Variants in MDN1 observed in about 807,000 individuals in gnomAD.
MDN1 encodes midasin AAA ATPase 1.
MDN1 carries 266 observed loss-of-function variants against 669.2 expected under a neutral mutation model. The observed-to-expected ratio is 0.40, with a 90% confidence interval of 0.36 to 0.44. MDN1 has a LOEUF of 0.44. Ranked by LOEUF, MDN1 falls within the 20% of genes least tolerant of loss-of-function variation. MDN1 has a pLI of 1.00. For missense variants in MDN1, 5,940 were observed against 6,754.0 expected, an observed-to-expected ratio of 0.88 and a Z score of 4.22; for synonymous variants, 2,385 against 2,457.1, an observed-to-expected ratio of 0.97 and a Z score of 0.87.
rs775492556 is a variant in MDN1, at chr6:89,749,643, C to T, written c.3515G>A (p.Arg1172His). The T allele has an allele frequency of 2.9e-5, 47 of 1,614,032 alleles. No homozygotes were observed. Among genetic ancestry groups the T allele is most frequent in the East Asian group, 8.9e-5 (4 of 44,890 alleles). Residue 1172 changes from arginine (R) to histidine (H), a missense_variant, in exon 25 of 102, where the codon CGT (arginine) becomes CAT (histidine). Around this residue, in one of 5 missense-constraint regions of MDN1, gnomAD observed 2,292 missense variants for 2,638.3 expected, o/e 0.87. Transcript: ENST00000369393. ...CTGTGTTTCTGTTACTAGCAATTCACGGTTATCATCCAACAGCCTATTCAG... is the reference window on the plus strand; with the variant it reads ...CTGTGTTTCTGTTACTAGCAATTCATGGTTATCATCCAACAGCCTATTCAG... ...EALNRLLDDN[R>H]ELLVTETQEV...
intron 11 of MDN1, among the ~76,000 whole-genome samples, chr6:89,777,361 C>T (rs1184267247): frequency 6.6e-6 from 1 of 152,210 alleles, no homozygotes; most frequent in East Asian, 1.9e-4. Flanking sequence ...ATGGCTGACT[C>T]CATCTTACTT....
In MDN1 at chr6:89,648,036, G is replaced by A. The variant is rs768337087; in HGVS notation, c.16391C>T (p.Ala5464Val). 1.2e-6 allele frequency: 2 copies of A among 1,608,258 alleles called. No individual in the cohort carries two copies. The highest frequency in any genetic ancestry group is 2.2e-5 in the South Asian group (2 of 90,966). The change falls in exon 99 of 102, where the codon GCT becomes GTT. Residue 5464 changes from alanine (A) to valine (V), a missense_variant. Physicochemically the swap from Ala to Val is moderately conservative, Grantham distance 64. Coordinates refer to ENST00000369393, the MANE Select transcript of MDN1 (RefSeq NM_014611.3). ...CATTTTATTTCATCCTCTTACCTGA[G>A]CAATCTTGGTTTTCTTTTGTTGGAA... Reference protein sequence around the residue: ...CKFQQKKTKIAQFLESVANMF... With the variant: ...CKFQQKKTKIVQFLESVANMF...
chr6:89,767,579 G>A (rs187144895), intron 15 of MDN1, among the ~76,000 whole-genome samples: 2 of 152,152 alleles, frequency 1.3e-5, no homozygotes, highest in African/African-American at 4.8e-5. Context: ...CCAGCATGGT[G>A]AAACCCTATC....
rs1363098877 is a variant in MDN1, at chr6:89,654,302, T to C, written c.15523A>G (p.Lys5175Glu). 1 of 1,614,124 alleles carries C rather than the reference T, an allele frequency of 6.2e-7. No homozygotes were observed. The highest frequency in any genetic ancestry group is 1.3e-5 in the African/African-American group (1 of 74,948). ...TCTTCCTGATCTTTGCCAGAGTCTTTTGCAGACTGTTGCTGTTCTTTGCTG... is the reference window on the plus strand; with the variant it reads ...TCTTCCTGATCTTTGCCAGAGTCTTCTGCAGACTGTTGCTGTTCTTTGCTG... ...VASKEQQQSA[K>E]DSGKDQEEEE... The change falls in exon 93 of 102, where the codon AAA (lysine) becomes GAA (glutamate). Residue 5175 changes from lysine (K) to glutamate (E), a missense_variant. Physicochemically the swap from Lys to Glu is moderately conservative, Grantham distance 56 (BLOSUM62 1). Around this residue, in one of 5 missense-constraint regions of MDN1, gnomAD observed 2,280 missense variants for 2,576.3 expected, o/e 0.88. Transcript: ENST00000369393.
At chr6:89,647,074 A>C (rs1471180333) in intron 99 of MDN1, among the ~76,000 whole-genome samples, 1 of 152,240 alleles carries the variant, frequency 6.6e-6, no homozygotes, top group Non-Finnish European at 1.5e-5. Flanking sequence ...AGTGTGAGCC[A>C]CCATGCCTAG....
Position 89,776,935 on chromosome 6 carries a change from A to G in MDN1, c.1726-240T>C, listed in dbSNP as rs555279679. Among the ~76,000 whole-genome samples the G allele has an allele frequency of 4.7e-4, 72 of 152,272 alleles. 1 individual carries two copies. The highest frequency in any genetic ancestry group is 1.7e-3 in the African/African-American group (71 of 41,548). On this transcript the variant is annotated intron_variant, in intron 11 of 101. Transcript: ENST00000369393. ...GAAATACTTGCCAAATAAAAAAAAC[A>G]AACAACAAAACACCCCACTTTGCAA...
chr6:89,745,638 A>G lies in MDN1; in HGVS notation c.3905-12T>C. 6.2e-7 allele frequency: 1 copy of G among 1,610,808 alleles called. No individual in the cohort carries two copies. The highest frequency in any genetic ancestry group is 8.5e-7 in the Non-Finnish European group (1 of 1,178,198). On this transcript the variant is annotated splice_polypyrimidine_tract_variant and intron_variant, in intron 27 of 101. Transcript: ENST00000369393. ...CAGAAGCATATAACCTGGGAGGAGG[A>G]GGAGGAAAAGGAGGAGAGGAATCAT...
chr6:89,655,407 G>A (rs915207119), intron 92 of MDN1, among the ~76,000 whole-genome samples: 4 of 152,204 alleles, frequency 2.6e-5, no homozygotes, highest in African/African-American at 7.2e-5. Flanking sequence ...CCCTGATATC[G>A]GGGTTTGGAT....
Position 89,672,283 on chromosome 6 carries a change from C to T in MDN1, c.13711G>A (p.Val4571Met), listed in dbSNP as rs138617275. 4.4e-4 allele frequency: 708 copies of T among 1,612,502 alleles called. 7 individuals are homozygous for T. The South Asian group carries it at 6.0e-3, about 14-fold the overall frequency. ...GAGATGGCAGAAATTATTTTCTGCA[C>T]GTGCAAAGTGCTCACATCGGCCCAG... is the stretch of plus-strand genomic sequence containing the variant. ...DFWADVSTLHVQKIISAISEL... is the reference protein window; with the variant it reads ...DFWADVSTLHMQKIISAISEL... The change falls in exon 82 of 102, where the codon GTG becomes ATG. Residue 4571 changes from valine to methionine, a missense_variant. Transcript: ENST00000369393.
chr6:89,694,251 T>C (rs1209744919), intron 61 of MDN1, 68 bp from the exon 62 acceptor site: 1 of 1,323,130 alleles, frequency 7.6e-7, no homozygotes, highest in Non-Finnish European at 1.1e-6. Flanking sequence ...GACAATGTCC[T>C]GGGGACACGT....
At chr6:89,661,311 T>G in intron 88 of MDN1, 120 bp downstream of exon 88, 100 of 1,131,812 alleles carry the variant, frequency 8.8e-5, no homozygotes, top group Non-Finnish European at 1.0e-4. Flanking sequence ...AGACTGGGAT[T>G]GAGCCTACCA....
At chr6:89,731,629 G>A (rs1815598824) in intron 34 of MDN1, among the ~76,000 whole-genome samples, 2 of 152,064 alleles carry the variant, frequency 1.3e-5, no homozygotes, top group Admixed American at 6.6e-5. Context: ...GGCAAGGGGA[G>A]GGAGAGCATT....
At chr6:89,778,998 A>C (rs1024964289) in intron 11 of MDN1, among the ~76,000 whole-genome samples, 1 of 151,718 alleles carries the variant, frequency 6.6e-6, no homozygotes. Context: ...AAAATTTTAC[A>C]GGTGTAGAAT....
At chr6:89,650,899 GTCT>G (rs1562033395) in intron 95 of MDN1, 52 bp from the exon 96 acceptor site, 1 of 1,483,928 alleles carries the variant, frequency 6.7e-7, no homozygotes, top group African/African-American at 1.4e-5. Context: ...AGCCAACCAA[GTCT>G]TCTAGCAAGA....
chr6:89,678,338 T>TA (rs1811372388), intron 75 of MDN1, among the ~76,000 whole-genome samples: 1 of 151,888 alleles, frequency 6.6e-6, no homozygotes, highest in Non-Finnish European at 1.5e-5. Context: ...CTCAAAAAAA[T>TA]AAAATTAATT....
chr6:89,689,942 G>A lies in MDN1; in HGVS notation c.10951C>T (p.His3651Tyr). The change falls in exon 65 of 102, where the codon CAT becomes TAT. Residue 3651 changes from histidine to tyrosine, a missense_variant. By Grantham distance (83) the His-to-Tyr change is moderately conservative. Around this residue, in one of 5 missense-constraint regions of MDN1, gnomAD observed 2,280 missense variants for 2,576.3 expected, o/e 0.88. Transcript: ENST00000369393. ...QQTLPPHEAK[H>Y]YLSLFLSCYQ... ...CAAGACAGAAACAGGCTGAGGTAATGCTTTGCTTCATGTGGCGGCAGAGTC... is the reference window on the plus strand; with the variant it reads ...CAAGACAGAAACAGGCTGAGGTAATACTTTGCTTCATGTGGCGGCAGAGTC... 6.2e-7 allele frequency: 1 copy of A among 1,614,226 alleles called. No individual in the cohort carries two copies. Among genetic ancestry groups the A allele is most frequent in the East Asian group, 2.2e-5 (1 of 44,882 alleles).
rs1224597569 is a variant in MDN1, at chr6:89,699,653, G to C, written c.8945C>G (p.Pro2982Arg). Reference sequence around the variant, plus strand: ...ATCTCGAAGCTCTTGAGGTGTAACAGGTGTGTGATAAAGACAAAATGAGAT... The same window carrying C: ...ATCTCGAAGCTCTTGAGGTGTAACACGTGTGTGATAAAGACAAAATGAGAT... Reference protein sequence around the residue: ...HLISFCLYHTPVTPQELRDLW... With the variant: ...HLISFCLYHTRVTPQELRDLW... The change falls in exon 58 of 102, where the codon CCT (proline) becomes CGT (arginine). Residue 2982 changes from proline to arginine, a missense_variant. By Grantham distance (103) the Pro-to-Arg change is moderately radical. Around this residue, in one of 5 missense-constraint regions of MDN1, gnomAD observed 2,292 missense variants for 2,638.3 expected, o/e 0.87. Transcript: ENST00000369393. 6.2e-7 allele frequency: 1 copy of C among 1,614,050 alleles called. No individual in the cohort carries two copies. Among genetic ancestry groups the C allele is most frequent in the Non-Finnish European group, 8.5e-7 (1 of 1,179,980 alleles).
At chr6:89,676,361 T>C (rs11754617) in intron 76 of MDN1, among the ~76,000 whole-genome samples, 154 bp from the exon 77 acceptor site, 26,531 of 152,250 alleles carry the variant, frequency 0.17, 2,625 homozygotes, top group South Asian at 0.31. Flanking sequence ...AGGCACTCAT[T>C]AGTCCTTTAC....
rs1423043482 is a variant in MDN1 at position 89,713,229 on chromosome 6, T to A, written c.7137A>T (p.Arg2379=). The change falls in exon 47 of 102, where the codon CGA becomes CGT. Residue 2379 remains arginine, a synonymous_variant. Coordinates refer to ENST00000369393, the MANE Select transcript of MDN1 (RefSeq NM_014611.3). The stretch of plus-strand genomic sequence containing the variant: ...AAAAGGCTCTGTCTAAACTCAGCCC[T>A]CGCTGCAGGTACTGGACAATTAGTA... The part of the protein sequence containing the change: ...TAILIVQYLQ[R]GLSLDRAFSE... The A allele has an allele frequency of 6.2e-7, 1 of 1,614,102 alleles. No individual in the cohort carries two copies. Among genetic ancestry groups the A allele is most frequent in the Non-Finnish European group, 8.5e-7 (1 of 1,179,946 alleles).
Sources: gnomAD v4.1 joint callset for allele counts (sites outside exome capture counted in the v4.1 genomes callset) on GRCh38, gnomAD v4.1.1 for gene constraint, gnomAD v4.1.1 regional missense constraint, MANE v1.5 for transcripts, NCBI Gene and HGNC (gene_info 2026-07-23, HGNC 2026-07-21) for gene names.